The following JAKMIP1 variants were observed in gnomAD, a reference collection of about 807,000 sequenced individuals.
JAKMIP1 encodes the protein janus kinase and microtubule-interacting protein 1.
In JAKMIP1, 33 loss-of-function variants were observed where a neutral mutation model predicts 113.0. The observed-to-expected ratio is 0.29, with a 90% CI of 0.22 to 0.39. JAKMIP1 has a LOEUF of 0.39. Ranked by LOEUF, JAKMIP1 falls within the 10% of genes least tolerant of loss-of-function variation. The pLI is 1.00. For missense variants in JAKMIP1, 813 were observed against 1,080.5 expected (o/e 0.75, Z 3.47); for synonymous variants, 480 against 459.9 (o/e 1.04, Z -0.56).
chr4:6,169,631 G>GTA (rs1375160108), intron 1 of JAKMIP1, among the ~76,000 whole-genome samples: 1 of 151,774 alleles, frequency 6.6e-6, no homozygotes, highest in Non-Finnish European at 1.5e-5. Flanking sequence ...GTGTGTGTGT[G>GTA]TGTGTGTGTG....
intron 3 of JAKMIP1, among the ~76,000 whole-genome samples, chr4:6,098,544 GAA>G (rs879801063): frequency 0.23 from 11,954 of 51,636 alleles, 712 homozygotes; most frequent in East Asian, 0.29. Context: ...GAGAGAGAAA[GAA>G]AAAGAAAGAA....
Position 6,044,335 on chromosome 4 carries a change from C to T in JAKMIP1, c.2029-2108G>A, listed in dbSNP as rs981260560. Among the ~76,000 whole-genome samples, 2 of 152,144 alleles carry T rather than the reference C, an allele frequency of 1.3e-5. No individual in the cohort carries two copies. Among genetic ancestry groups the T allele is most frequent in the African/African-American group, 4.8e-5 (2 of 41,444 alleles). ...TCTGTCGAATGAAGGAGAATCAAGGCTGTGCAGGTTGGTGGGGTGTGTGCT... is the reference window on the plus strand; with the variant it reads ...TCTGTCGAATGAAGGAGAATCAAGGTTGTGCAGGTTGGTGGGGTGTGTGCT... On this transcript the variant is annotated intron_variant, in intron 16 of 20. Coordinates refer to ENST00000409021, the MANE Select transcript of JAKMIP1 (RefSeq NM_001099433.2). The surrounding 1 kb of genome is among the most constrained non-coding windows in gnomAD (Gnocchi z 4.4).
At chr4:6,068,152 C>A (rs1043331975) in intron 8 of JAKMIP1, among the ~76,000 whole-genome samples, 1 of 152,204 alleles carries the variant, frequency 6.6e-6, no homozygotes, top group Non-Finnish European at 1.5e-5. Context: ...AGCCCTAATA[C>A]AGGGCATTAA....
chr4:6,078,635 T>G (rs1330909126), intron 8 of JAKMIP1, among the ~76,000 whole-genome samples: 1 of 152,198 alleles, frequency 6.6e-6, no homozygotes, highest in Non-Finnish European at 1.5e-5. Flanking sequence ...TGAATGTCCC[T>G]TAAATCCTTC....
At position 6,049,677 on chromosome 4, in the gene JAKMIP1, C is replaced by T. The variant is rs116702320; in HGVS notation, c.1962+142G>A. On this transcript the variant is annotated intron_variant, in intron 15 of 20. Transcript: ENST00000409021. The surrounding 1 kb of genome is among the most constrained non-coding windows in gnomAD (Gnocchi z 7.0). ...CAACCCCACCACCCACACAGGAACA[C>T]GGCCATACAAAAGCCTTACATTGTA... is the stretch of plus-strand genomic sequence containing the variant. The T allele has an allele frequency of 7.3e-4, 485 of 663,302 alleles. 2 individuals are homozygous for T. The highest frequency in any genetic ancestry group is 1.3e-3 in the South Asian group (67 of 52,550). The allele number at this position is 663,302 out of a possible 1,614,324, so 41.1% of individuals were successfully genotyped here.
At chr4:6,171,380 TCAC>T (rs1379193070) in intron 1 of JAKMIP1, among the ~76,000 whole-genome samples, 6 of 144,754 alleles carry the variant, frequency 4.1e-5, no homozygotes, top group South Asian at 4.5e-4. Flanking sequence ...CTTACCACCA[TCAC>T]CACCATCACC....
Position 6,167,496 on chromosome 4 carries a change from C to A in JAKMIP1, c.-148+32757G>T, listed in dbSNP as rs578069646. On this transcript the variant is annotated intron_variant, in intron 1 of 20. Transcript: ENST00000409021. This position sits in a 1 kb window ranked among gnomAD's most constrained non-coding sequence, Gnocchi z 5.3. ...GACACAGAGAGGGATGGTGTCACAG[C>A]TGTGCAACCTGGGCCACTGCAAAGG... Among the ~76,000 whole-genome samples the A allele has an allele frequency of 3.3e-5, 5 of 152,350 alleles. No homozygotes were observed. Among genetic ancestry groups the A allele is most frequent in the African/African-American group, 1.2e-4 (5 of 41,582 alleles).
In JAKMIP1 at chr4:6,142,537, T is replaced by C. The variant is rs925344521; in HGVS notation, c.-147-29540A>G. ...CTTTTATTTAATATTACTGGCACTT[T>C]TTTTAAGCTACCATATCACAATAAT... is the stretch of plus-strand genomic sequence containing the variant. On this transcript the variant is annotated intron_variant, in intron 1 of 20. Coordinates refer to ENST00000409021, the MANE Select transcript of JAKMIP1 (RefSeq NM_001099433.2). This position sits in a 1 kb window ranked among gnomAD's most constrained non-coding sequence, Gnocchi z 5.5. 6.6e-6 allele frequency among the ~76,000 whole-genome samples: 1 copy of C among 152,260 alleles called. No individual in the cohort carries two copies. Among genetic ancestry groups the C allele is most frequent in the African/African-American group, 2.4e-5 (1 of 41,474 alleles).
In JAKMIP1 at chr4:6,179,068, G is replaced by A. The variant is rs1471987460; in HGVS notation, c.-148+21185C>T. Reference sequence around the variant, plus strand: ...AAAATAAAACTGGGCTATATGTCCAGAGAGTGGTTGGGGAAAGACTAGAAT... The same window carrying A: ...AAAATAAAACTGGGCTATATGTCCAAAGAGTGGTTGGGGAAAGACTAGAAT... On this transcript the variant is annotated intron_variant, in intron 1 of 20. Coordinates refer to ENST00000409021, the MANE Select transcript of JAKMIP1 (RefSeq NM_001099433.2). This position sits in a 1 kb window ranked among gnomAD's most constrained non-coding sequence, Gnocchi z 4.5. Among the ~76,000 whole-genome samples, 1 of 152,248 alleles carries A rather than the reference G, an allele frequency of 6.6e-6. No homozygotes were observed. The highest frequency in any genetic ancestry group is 6.5e-5 in the Admixed American group (1 of 15,286).
At position 6,026,553 on chromosome 4, in the gene JAKMIP1, C is replaced by T. The variant is rs537095995; in HGVS notation, c.2446-275G>A. 1.1e-4 allele frequency among the ~76,000 whole-genome samples: 17 copies of T among 152,138 alleles called. No individual in the cohort carries two copies. The South Asian group carries it at 2.9e-3, about 26-fold the overall frequency. On this transcript the variant is annotated intron_variant, in intron 20 of 20. Transcript: ENST00000409021. ...TTCAGGGGAGATTGACACTCTGGAC[C>T]GGGACAGGACTTTTTGGTGCTGTGA...
At position 6,040,110 on chromosome 4, in the gene JAKMIP1, G is replaced by A. The variant is rs899210014; in HGVS notation, c.2175+529C>T. 2.0e-5 allele frequency among the ~76,000 whole-genome samples: 3 copies of A among 152,218 alleles called. No homozygotes were observed. Among genetic ancestry groups the A allele is most frequent in the African/African-American group, 4.8e-5 (2 of 41,454 alleles). ...GTGCCAGGAGCACTTAGCTTTGAGT[G>A]TGAGGACACAGGAGTTTGAACATCA... On this transcript the variant is annotated intron_variant, in intron 18 of 20. Coordinates refer to ENST00000409021, the MANE Select transcript of JAKMIP1 (RefSeq NM_001099433.2). The surrounding 1 kb of genome is among the most constrained non-coding windows in gnomAD (Gnocchi z 5.8).
chr4:6,146,540 C>T (rs971888563), intron 1 of JAKMIP1, among the ~76,000 whole-genome samples: 6 of 152,116 alleles, frequency 3.9e-5, no homozygotes, highest in African/African-American at 9.7e-5. Flanking sequence ...GCGATCCTCC[C>T]GCCTCAGCCT....
rs149471681 is a variant in JAKMIP1, at chr4:6,157,508, C to A, written c.-148+42745G>T. ...TTTTCAAATCAAACTTCAGCGTACA[C>A]TTTCCGTAACACCTTTTTTGACTAA... On this transcript the variant is annotated intron_variant, in intron 1 of 20. Transcript: ENST00000409021. This position sits in a 1 kb window ranked among gnomAD's most constrained non-coding sequence, Gnocchi z 4.7. Among the ~76,000 whole-genome samples the A allele has an allele frequency of 1.1e-3, 166 of 152,306 alleles. No homozygotes were observed. Among genetic ancestry groups the A allele is most frequent in the Non-Finnish European group, 8.5e-4 (58 of 68,026 alleles).
Position 6,197,613 on chromosome 4 carries a change from C to T in JAKMIP1, c.-148+2640G>A, listed in dbSNP as rs1260706269. Reference sequence around the variant, plus strand: ...GAAGCCCTGCAGGTTGATCCCGTCGCCACTATGGGGAGAGGAGTGACCCAG... The same window carrying T: ...GAAGCCCTGCAGGTTGATCCCGTCGTCACTATGGGGAGAGGAGTGACCCAG... On this transcript the variant is annotated intron_variant, in intron 1 of 20. Transcript: ENST00000409021. The surrounding 1 kb of genome is among the most constrained non-coding windows in gnomAD (Gnocchi z 6.5). 6.6e-6 allele frequency among the ~76,000 whole-genome samples: 1 copy of T among 152,204 alleles called. No individual in the cohort carries two copies. Among genetic ancestry groups the T allele is most frequent in the Non-Finnish European group, 1.5e-5 (1 of 68,040 alleles).
At position 6,084,967 on chromosome 4, in the gene JAKMIP1, T is replaced by TAAAAAAA. The variant is rs56874913; in HGVS notation, c.835-9_835-3dup. 4.5e-4 allele frequency: 169 copies of TAAAAAAA among 377,920 alleles called. 3 individuals carry two copies. Among genetic ancestry groups the TAAAAAAA allele is most frequent in the South Asian group, 1.4e-3 (14 of 10,324 alleles). 23.4% of individuals were successfully genotyped at this position (377,920 alleles called of 1,614,324 possible). On this transcript the variant is annotated splice_region_variant and splice_polypyrimidine_tract_variant and intron_variant, in intron 4 of 20. Transcript: ENST00000409021. ...ATCTCGCTCGTCCATATGTTGATCC[T>TAAAAAAA]AAAAAAAAAAAAAAAAAAAAAAAAA... is the stretch of plus-strand genomic sequence containing the variant.
chr4:6,145,018 A>G (rs1261641060), intron 1 of JAKMIP1, among the ~76,000 whole-genome samples: 1 of 152,234 alleles, frequency 6.6e-6, no homozygotes, highest in Non-Finnish European at 1.5e-5. Context: ...CTAATAAACA[A>G]TTTCAGCAAT....
chr4:6,107,516 G>T (rs115110001), intron 2 of JAKMIP1, among the ~76,000 whole-genome samples: 1 of 152,108 alleles, frequency 6.6e-6, no homozygotes, highest in Admixed American at 6.5e-5. Flanking sequence ...GGTGAAGCAC[G>T]GTGCCTTCCA....
intron 3 of JAKMIP1, among the ~76,000 whole-genome samples, chr4:6,103,033 A>T (rs948462951): frequency 6.6e-6 from 1 of 151,940 alleles, no homozygotes; most frequent in Non-Finnish European, 1.5e-5. Context: ...TATATTTGAC[A>T]TCCTGGCCAA....
At chr4:6,120,479 T>C (rs932355773) in intron 1 of JAKMIP1, among the ~76,000 whole-genome samples, 5 of 152,174 alleles carry the variant, frequency 3.3e-5, no homozygotes, top group African/African-American at 9.7e-5. Flanking sequence ...AAGTTATTGA[T>C]GGCTGAATGA....
Sources: gnomAD v4.1 joint callset for allele counts (sites outside exome capture counted in the v4.1 genomes callset) on GRCh38, gnomAD v4.1.1 for gene constraint, Gnocchi (gnomAD v3.1) non-coding constraint, MANE v1.5 for transcripts, NCBI Gene and HGNC (gene_info 2026-07-23, HGNC 2026-07-21) for gene names.